PTPDC1: variants seen among roughly 807,000 people sequenced by gnomAD.
PTPDC1 encodes protein tyrosine phosphatase domain containing 1.
A neutral mutation model predicts 75.3 loss-of-function variants in PTPDC1; 53 were observed. The observed-to-expected ratio is 0.70, with a 90% CI of 0.56 to 0.88. PTPDC1 has a LOEUF of 0.88. PTPDC1 is among the 40% of genes least tolerant of loss of function. The probability of loss-of-function intolerance (pLI) is 0.00; values close to 1 mark genes in which losing one functional copy is unlikely to be tolerated. For missense variants in PTPDC1, 925 were observed against 998.6 expected (o/e 0.93, Z 0.99); for synonymous variants, 349 against 366.2 (o/e 0.95, Z 0.54).
intron 1 of PTPDC1, among the ~76,000 whole-genome samples, chr9:94,041,860 A>G (rs551382336): frequency 8.5e-5 from 13 of 152,314 alleles, no homozygotes; most frequent in Admixed American, 3.9e-4. Context: ...ATTAGAAACC[A>G]GATTTGCTCT....
chr9:94,079,141 GT>G (rs1325045349), intron 2 of PTPDC1, among the ~76,000 whole-genome samples: 2 of 152,038 alleles, frequency 1.3e-5, no homozygotes, highest in African/African-American at 4.8e-5. Flanking sequence ...TGTTTTTGTT[GT>G]TATTTGCCTG....
At chr9:94,083,470 T>C (rs1486463801), upstream of PTPDC1, among the ~76,000 whole-genome samples, 2 of 149,682 alleles carry the variant, frequency 1.3e-5, no homozygotes, top group East Asian at 3.9e-4. Context: ...AAAAAAAAAA[T>C]AGAAAATAGC....
chr9:94,074,391 A>T (rs1024157273), intron 2 of PTPDC1, among the ~76,000 whole-genome samples: 7 of 151,994 alleles, frequency 4.6e-5, no homozygotes, highest in African/African-American at 1.5e-4. Context: ...AGTCGGGGGG[A>T]TAAGATCAGC....
At chr9:94,058,568 G>A (rs1271927451) in intron 1 of PTPDC1, among the ~76,000 whole-genome samples, 1 of 151,190 alleles carries the variant, frequency 6.6e-6, no homozygotes, top group African/African-American at 2.4e-5. Context: ...TTAACCGGGT[G>A]TAGTGGCATG....
chr9:94,075,618 A>G (rs995719188), intron 2 of PTPDC1, among the ~76,000 whole-genome samples: 24 of 152,306 alleles, frequency 1.6e-4, no homozygotes, highest in African/African-American at 4.8e-4. Context: ...GCTCACAGCC[A>G]TACTGTTCCT....
intron 1 of PTPDC1, among the ~76,000 whole-genome samples, chr9:94,033,474 G>A (rs866409736): frequency 3.3e-5 from 5 of 152,234 alleles, no homozygotes; most frequent in African/African-American, 7.2e-5. Context: ...AGGAAGAACC[G>A]GTGTTCTAAT....
intron 1 of PTPDC1, among the ~76,000 whole-genome samples, chr9:94,034,431 C>G (rs1447870435): frequency 6.6e-6 from 1 of 152,158 alleles, no homozygotes; most frequent in African/African-American, 2.4e-5. Context: ...ACTCAGGAAG[C>G]TGAGGCAGGA....
rs527560113 is a variant in PTPDC1, at chr9:94,087,607, C to T, written c.417-224C>T. 4.6e-5 allele frequency among the ~76,000 whole-genome samples: 7 copies of T among 152,146 alleles called. No individual in the cohort carries two copies. In the South Asian group the frequency reaches 6.2e-4, roughly 14 times the overall value. On this transcript the variant is annotated intron_variant, in intron 2 of 8. Coordinates refer to ENST00000620992, the MANE Select transcript of PTPDC1 (RefSeq NM_001253829.2). Reference sequence around the variant, plus strand: ...ACAAACTGAATGGAGTGGATGAAAACGGTTGAGAGCAAACATTTTAGTGCA... The same window carrying T: ...ACAAACTGAATGGAGTGGATGAAAATGGTTGAGAGCAAACATTTTAGTGCA...
At chr9:94,062,050 A>G (rs1587858975) in intron 1 of PTPDC1, among the ~76,000 whole-genome samples, 1 of 152,160 alleles carries the variant, frequency 6.6e-6, no homozygotes, top group South Asian at 2.1e-4. Context: ...GTTTCAGGTC[A>G]TGTCTTTGCT....
intron 1 of PTPDC1, among the ~76,000 whole-genome samples, chr9:94,036,118 T>C (rs1375377327): frequency 6.6e-6 from 1 of 151,866 alleles, no homozygotes; most frequent in Non-Finnish European, 1.5e-5. Flanking sequence ...TTGCAAACAT[T>C]TTCTCCCATT....
chr9:94,056,729 G>A (rs1825950116), intron 1 of PTPDC1, among the ~76,000 whole-genome samples: 1 of 152,208 alleles, frequency 6.6e-6, no homozygotes, highest in South Asian at 2.1e-4. Context: ...AGTCTCTTGT[G>A]TGAAATGACT....
At chr9:94,080,105 TAGGC>T (rs1564023877), upstream of PTPDC1, among the ~76,000 whole-genome samples, 1 of 152,074 alleles carries the variant, frequency 6.6e-6, no homozygotes. Flanking sequence ...TATTGGAACA[TAGGC>T]AGGATGAGGA....
rs138309478 is a variant in PTPDC1 at position 94,065,478 on chromosome 9, G to A, written c.82+657G>A. ...CACCTTCACTTTAGTCCTACTGTAT[G>A]GAGAACTTTGAAGGATTTCTCCCCT... On this transcript the variant is annotated intron_variant, in intron 2 of 9. Transcript: ENST00000375360. 3.2e-4 allele frequency among the ~76,000 whole-genome samples: 49 copies of A among 152,294 alleles called. No homozygotes were observed. In the East Asian group the frequency reaches 9.5e-3, roughly 29 times the overall value.
rs1376060970 is a variant in PTPDC1, at chr9:94,098,051, A to G, written c.1485A>G (p.Pro495=). 6 of 1,614,134 alleles carry G rather than the reference A, an allele frequency of 3.7e-6. No individual in the cohort carries two copies. In the African/African-American group the frequency reaches 8.0e-5, roughly 22 times the overall value. ...SHCYIPQSPE[P]DLHKEALVRS... ...GTTACATCCCACAGTCTCCAGAACC[A>G]GACTTACACAAGGAAGCCTTGGTTC... Residue 495 remains proline (P), a synonymous_variant, in exon 6 of 9, where the codon CCA becomes CCG. Transcript: ENST00000620992.
intron 1 of PTPDC1, among the ~76,000 whole-genome samples, chr9:94,048,678 T>A (rs943117702): frequency 6.6e-6 from 1 of 152,202 alleles, no homozygotes; most frequent in African/African-American, 2.4e-5. Flanking sequence ...TAATGTATAT[T>A]CTGTTGCCTT....
intron 4 of PTPDC1, among the ~76,000 whole-genome samples, chr9:94,091,262 G>C (rs1373527343): frequency 6.6e-6 from 1 of 152,058 alleles, no homozygotes; most frequent in African/African-American, 2.4e-5. Context: ...TCCCATCAAT[G>C]CCTAATTTAT....
chr9:94,074,463 C>T (rs1826614113), intron 2 of PTPDC1, among the ~76,000 whole-genome samples: 1 of 152,160 alleles, frequency 6.6e-6, no homozygotes, highest in African/African-American at 2.4e-5. Flanking sequence ...GGGCAACTCA[C>T]ACTGCTTTGT....
intron 4 of PTPDC1, among the ~76,000 whole-genome samples, chr9:94,091,913 T>C (rs2118016926): frequency 6.6e-6 from 1 of 152,094 alleles, no homozygotes; most frequent in South Asian, 2.1e-4. Flanking sequence ...TGTATTTCTG[T>C]GGGATCAGTG....
chr9:94,080,320 T>C (rs1473880287), upstream of PTPDC1, among the ~76,000 whole-genome samples: 1 of 152,038 alleles, frequency 6.6e-6, no homozygotes, highest in African/African-American at 2.4e-5. Context: ...ATAGGTACAG[T>C]TGTGGAAAGG....
Sources: allele counts gnomAD v4.1 joint callset (sites outside exome capture counted in the v4.1 genomes callset), GRCh38; gene constraint gnomAD v4.1.1; transcripts MANE v1.5; gene names NCBI Gene and HGNC (gene_info 2026-07-23, HGNC 2026-07-21).